The following SLC25A15 variants were observed in gnomAD, a reference collection of about 807,000 sequenced individuals.
The protein encoded by SLC25A15 is mitochondrial ornithine transporter 1.
A neutral mutation model predicts 32.3 loss-of-function variants in SLC25A15; 24 were observed. The ratio of observed to expected loss-of-function variants is 0.74; its 90% CI spans 0.54 to 1.04. The LOEUF is 1.04. Ranked by LOEUF, SLC25A15 falls within the 50% of genes least tolerant of loss-of-function variation. SLC25A15 has a pLI of 0.00. For missense variants in SLC25A15, 317 were observed against 374.5 expected (o/e 0.85, Z 1.27); for synonymous variants, 132 against 142.1 (o/e 0.93, Z 0.51).
At chr13:40,808,839 A>C (rs561276907) in intron 6 of SLC25A15, among the ~76,000 whole-genome samples, 1 of 148,888 alleles carries the variant, frequency 6.7e-6, no homozygotes, top group Non-Finnish European at 1.5e-5. Context: ...GGAGGCTGAG[A>C]CAGGAGAATG....
At position 40,809,816 on chromosome 13, in the gene SLC25A15, T is replaced by C; in HGVS notation, c.*149T>C. On this transcript the variant is annotated 3_prime_UTR_variant, in exon 7 of 7. Coordinates refer to ENST00000338625, the MANE Select transcript of SLC25A15 (RefSeq NM_014252.4). ...CCCTTCTACCCTACATCTTAAACTT[T>C]ATGGAAGAACCTCTATTTTGCATCA... 4.0e-6 allele frequency: 3 copies of C among 750,828 alleles called. No homozygotes were observed. In the South Asian group the frequency reaches 4.7e-5, roughly 12 times the overall value. The allele number at this position is 750,828 out of a possible 1,614,324, so 46.5% of individuals were successfully genotyped here. A position where few individuals can be genotyped will look rare whatever the true frequency, so the allele number is the denominator to read the frequency against.
rs183697658 is a variant in SLC25A15, at chr13:40,808,493, G to A, written c.678G>A (p.Ala226=). The change falls in exon 6 of 7, where the codon GCG becomes GCA. Residue 226 remains alanine (A), a synonymous_variant. Transcript: ENST00000338625. The part of the protein sequence containing the change: ...GGVGGICLWL[A]VYPVDCIKSR... Reference sequence around the variant, plus strand: ...TTGGTGGGATTTGCCTCTGGCTTGCGGTATACCCAGTGGATTGTATCAAAT... The same window carrying A: ...TTGGTGGGATTTGCCTCTGGCTTGCAGTATACCCAGTGGATTGTATCAAAT... 75 of 1,613,250 alleles carry A rather than the reference G, an allele frequency of 4.6e-5. No homozygotes were observed. Among genetic ancestry groups the A allele is most frequent in the East Asian group, 2.0e-4 (9 of 44,880 alleles).
rs757284575 is a variant in SLC25A15 at position 40,805,240 on chromosome 13, T to C, written c.437T>C (p.Ile146Thr). 1.9e-6 allele frequency: 3 copies of C among 1,614,202 alleles called. No homozygotes were observed. Among genetic ancestry groups the C allele is most frequent in the East Asian group, 2.2e-5 (1 of 44,888 alleles). The change falls in exon 4 of 7, where the codon ATA becomes ACA. Residue 146 changes from isoleucine to threonine, a missense_variant. By Grantham distance (89) the Ile-to-Thr change is moderately conservative. Coordinates refer to ENST00000338625, the MANE Select transcript of SLC25A15 (RefSeq NM_014252.4). ...TMYEMETSGK[I>T]AKSQNTVWSV... ...TATGAGATGGAGACATCAGGGAAGA[T>C]AGCCAAGAGCCAGAAGTAAGCACCA...
At chr13:40,794,546 A>G (rs1200644550) in intron 2 of SLC25A15, among the ~76,000 whole-genome samples, 2 of 152,192 alleles carry the variant, frequency 1.3e-5, no homozygotes, top group East Asian at 3.9e-4. Flanking sequence ...CTCCTTAGAA[A>G]GATCAGCTTG....
rs781526529 is a variant in SLC25A15 at position 40,793,242 on chromosome 13, G to C, written c.16G>C (p.Ala6Pro). MKSNP[A>P]IQAAIDLTAG... ...GTGGGCAAACATGAAATCCAATCCTGCTATCCAGGCTGCCATTGACCTCAC... is the reference window on the plus strand; with the variant it reads ...GTGGGCAAACATGAAATCCAATCCTCCTATCCAGGCTGCCATTGACCTCAC... The change falls in exon 2 of 7, where the codon GCT becomes CCT. Residue 6 changes from alanine (A) to proline (P), a missense_variant. Ala to Pro is a conservative substitution (Grantham distance 27). Transcript: ENST00000338625. 11 of 1,613,980 alleles carry C rather than the reference G, an allele frequency of 6.8e-6. No individual in the cohort carries two copies. Among genetic ancestry groups the C allele is most frequent in the African/African-American group, 1.3e-5 (1 of 74,936 alleles).
At position 40,809,837 on chromosome 13, in the gene SLC25A15, C is replaced by T; in HGVS notation, c.*170C>T. On this transcript the variant is annotated 3_prime_UTR_variant, in exon 7 of 7. Coordinates refer to ENST00000338625, the MANE Select transcript of SLC25A15 (RefSeq NM_014252.4). ...ACTTTATGGAAGAACCTCTATTTTG[C>T]ATCATATCATTTCTGTCCATAATTG... 1.5e-6 allele frequency: 1 copy of T among 665,766 alleles called. No individual in the cohort carries two copies. The allele number at this position is 665,766 out of a possible 1,614,324, so 41.2% of individuals were successfully genotyped here.
chr13:40,790,261 T>A (rs1888504108), intron 1 of SLC25A15, among the ~76,000 whole-genome samples: 1 of 152,026 alleles, frequency 6.6e-6, no homozygotes, highest in African/African-American at 2.4e-5. Context: ...ATCTACTGAC[T>A]CTCCCTTCCA....
intron 2 of SLC25A15, among the ~76,000 whole-genome samples, chr13:40,798,301 T>C (rs1881739069): frequency 6.6e-6 from 1 of 152,042 alleles, no homozygotes; most frequent in Non-Finnish European, 1.5e-5. Flanking sequence ...AAAAATTATT[T>C]TGTGCAATGT....
chr13:40,793,856 G>A lies in SLC25A15; in HGVS notation c.55+575G>A, dbSNP rs118138645. Among the ~76,000 whole-genome samples, 1,181 of 152,316 alleles carry A rather than the reference G, an allele frequency of 7.8e-3. 17 individuals carry two copies. The highest frequency in any genetic ancestry group is 8.8e-3 in the Non-Finnish European group (599 of 68,014). On this transcript the variant is annotated intron_variant, in intron 2 of 6. Coordinates refer to ENST00000338625, the MANE Select transcript of SLC25A15 (RefSeq NM_014252.4). Reference sequence around the variant, plus strand: ...GGGTGGAAGGTGCCCAGTACAGCTGGAAAACAGCTCAGAGGTGAAGCCACG... The same window carrying A: ...GGGTGGAAGGTGCCCAGTACAGCTGAAAAACAGCTCAGAGGTGAAGCCACG...
At chr13:40,795,137 C>G (rs575956676) in intron 2 of SLC25A15, among the ~76,000 whole-genome samples, 1 of 152,252 alleles carries the variant, frequency 6.6e-6, no homozygotes, top group African/African-American at 2.4e-5. Flanking sequence ...CCCCTCCCCT[C>G]CCCCATGCCA....
chr13:40,793,026 G>T, intron 1 of SLC25A15, 132 bp from the exon 2 acceptor site: 1 of 634,136 alleles, frequency 1.6e-6, no homozygotes, highest in South Asian at 1.7e-5. Flanking sequence ...GATACCTTGA[G>T]CCCCTTTCCT....
At chr13:40,809,395 A>G in intron 6 of SLC25A15, 148 bp from the exon 7 acceptor site, 1 of 988,500 alleles carries the variant, frequency 1.0e-6, no homozygotes, top group Non-Finnish European at 1.6e-6. Context: ...CTATTTAGGA[A>G]AAGCTGGGAA....
Position 40,812,230 on chromosome 13 carries a change from G to A in SLC25A15, c.*2563G>A, listed in dbSNP as rs574652330. On this transcript the variant is annotated 3_prime_UTR_variant, in exon 7 of 7. Transcript: ENST00000338625. Reference sequence around the variant, plus strand: ...CTGTTGGCAGTAAATCTTCCCACAGGCCGTCCATTAGAGATTTAACTAGAT... The same window carrying A: ...CTGTTGGCAGTAAATCTTCCCACAGACCGTCCATTAGAGATTTAACTAGAT... Among the ~76,000 whole-genome samples, 3 of 152,188 alleles carry A rather than the reference G, an allele frequency of 2.0e-5. No individual in the cohort carries two copies. The highest frequency in any genetic ancestry group is 3.8e-4 in the East Asian group (2 of 5,196).
chr13:40,801,864 C>T (rs1170869759), intron 3 of SLC25A15, among the ~76,000 whole-genome samples: 1 of 152,190 alleles, frequency 6.6e-6, no homozygotes, highest in African/African-American at 2.4e-5. Context: ...TCCAGTTCTA[C>T]ACATTCATAC....
Position 40,799,178 on chromosome 13 carries a change from C to A in SLC25A15, c.177C>A (p.Gly59=), listed in dbSNP as rs1057519112. Residue 59 remains glycine (G), a synonymous_variant, in exon 3 of 7, where the codon GGC becomes GGA. Transcript: ENST00000338625. ...GCCTGAAGACTTACTCCCAGGTGGG[C>A]TTCCGTGGCTTCTACAAGGGTACCA... ...DCCLKTYSQV[G]FRGFYKGTSP... 5.0e-6 allele frequency: 8 copies of A among 1,614,114 alleles called. No homozygotes were observed. The highest frequency in any genetic ancestry group is 6.8e-6 in the Non-Finnish European group (8 of 1,180,042).
At chr13:40,808,990 A>C (rs910254326) in intron 6 of SLC25A15, among the ~76,000 whole-genome samples, 1 of 152,116 alleles carries the variant, frequency 6.6e-6, no homozygotes, top group African/African-American at 2.4e-5. Context: ...TGTAAAAAGA[A>C]AGAGGACAGT....
chr13:40,804,348 C>A (rs1264884559), intron 3 of SLC25A15, among the ~76,000 whole-genome samples: 1 of 152,092 alleles, frequency 6.6e-6, no homozygotes, highest in Non-Finnish European at 1.5e-5. Context: ...TGTGTGTAAT[C>A]AAAAGAATAT....
At chr13:40,807,801 A>G (rs1451129838) in intron 5 of SLC25A15, among the ~76,000 whole-genome samples, 3 of 152,356 alleles carry the variant, frequency 2.0e-5, no homozygotes, top group Non-Finnish European at 4.4e-5. Context: ...TAATCTTGAA[A>G]TAAGGTTAAA....
rs1882357973 is a variant in SLC25A15 at position 40,809,564 on chromosome 13, G to A, written c.803G>A (p.Gly268Glu). 3.1e-6 allele frequency: 5 copies of A among 1,612,008 alleles called. No homozygotes were observed. Among genetic ancestry groups the A allele is most frequent in the Non-Finnish European group, 3.4e-6 (4 of 1,179,854 alleles). Residue 268 changes from glycine (G) to glutamate (E), a missense_variant, in exon 7 of 7, where the codon GGA becomes GAA. Physicochemically the swap from Gly to Glu is moderately conservative, Grantham distance 98. Transcript: ENST00000338625. ...KNEGITALYS[G>E]LKPTMIRAFP... Reference sequence around the variant, plus strand: ...CTAGGAATAACGGCCTTATATTCTGGACTGAAACCTACTATGATTCGAGCA... The same window carrying A: ...CTAGGAATAACGGCCTTATATTCTGAACTGAAACCTACTATGATTCGAGCA...
Sources: gnomAD v4.1 joint callset for allele counts (sites outside exome capture counted in the v4.1 genomes callset) on GRCh38, gnomAD v4.1.1 for gene constraint, MANE v1.5 for transcripts, NCBI Gene and HGNC (gene_info 2026-07-23, HGNC 2026-07-21) for gene names.